Variants in DPP6 observed in about 807,000 individuals in gnomAD.
The protein encoded by DPP6 is A-type potassium channel modulatory protein DPP6.
DPP6 carries 69 observed loss-of-function variants against 122.6 expected under a neutral mutation model. That is an observed-to-expected ratio of 0.56 (90% CI 0.46 to 0.69). The LOEUF (loss-of-function observed/expected upper bound fraction) is 0.69, where lower values mean the gene tolerates loss of function less well. Ranked by LOEUF, DPP6 falls within the 30% of genes least tolerant of loss-of-function variation. The probability of loss-of-function intolerance (pLI) is 0.00; values close to 1 mark genes in which losing one functional copy is unlikely to be tolerated. For synonymous variants in DPP6, 418 were observed against 433.1 expected (o/e 0.97, Z 0.43); for missense variants, 928 against 1,116.9 (o/e 0.83, Z 2.41).
At chr7:154,013,736 T>C (rs536473692) in intron 1 of DPP6, among the ~76,000 whole-genome samples, 1 of 152,268 alleles carries the variant, frequency 6.6e-6, no homozygotes, top group East Asian at 1.9e-4. Context: ...GCTTCCTGTC[T>C]TGATTGGCAT....
intron 17 of DPP6, among the ~76,000 whole-genome samples, chr7:154,862,317 A>G (rs1417261440): frequency 1.3e-5 from 2 of 152,256 alleles, no homozygotes; most frequent in Admixed American, 6.5e-5. Context: ...GCAGGCTCCT[A>G]TGGATGCAGA....
At chr7:154,252,242 A>T (rs879601827) in intron 1 of DPP6, among the ~76,000 whole-genome samples, 4 of 129,768 alleles carry the variant, frequency 3.1e-5, no homozygotes, top group Admixed American at 2.2e-4. Context: ...GTGTGCGCGC[A>T]TGCGCACGGT....
At chr7:154,847,236 C>G (rs1285749279) in intron 16 of DPP6, among the ~76,000 whole-genome samples, 1 of 152,184 alleles carries the variant, frequency 6.6e-6, no homozygotes, top group African/African-American at 2.4e-5. Flanking sequence ...GACTAGATGT[C>G]AAGACCGTAC....
intron 1 of DPP6, among the ~76,000 whole-genome samples, chr7:153,962,641 C>G (rs1231198081): frequency 6.6e-6 from 1 of 152,182 alleles, no homozygotes; most frequent in African/African-American, 2.4e-5. Flanking sequence ...ACCCGATGCT[C>G]AGGAAGTAAA....
the DPP6 span, among the ~76,000 whole-genome samples, chr7:153,833,138 A>G: frequency 9.2e-5 from 14 of 152,186 alleles, no homozygotes; most frequent in African/African-American, 2.7e-4. Flanking sequence ...GAAAATGTTG[A>G]TTGAATGACT....
chr7:154,094,720 G>C (rs1243572555), intron 1 of DPP6: 7 of 152,140 alleles, frequency 4.6e-5, no homozygotes, highest in Non-Finnish European at 8.8e-5. Flanking sequence ...GACGTGCACG[G>C]CAGATGCACG....
At chr7:154,688,051 A>G (rs1839726208) in intron 7 of DPP6, among the ~76,000 whole-genome samples, 1 of 152,332 alleles carries the variant, frequency 6.6e-6, no homozygotes, top group South Asian at 2.1e-4. Flanking sequence ...ACAACACCAC[A>G]CGTTCTTACT....
At chr7:154,507,561 A>C (rs769417285) in intron 3 of DPP6, among the ~76,000 whole-genome samples, 2 of 152,208 alleles carry the variant, frequency 1.3e-5, no homozygotes, top group Non-Finnish European at 2.9e-5. Context: ...ATCAGATGTT[A>C]AAGGAATGCA....
At position 154,692,085 on chromosome 7, in the gene DPP6, T is replaced by A. The variant is rs78401787; in HGVS notation, c.762+22644T>A. Among the ~76,000 whole-genome samples the A allele has an allele frequency of 1.4e-3, 213 of 152,322 alleles. 1 individual carries two copies. Among genetic ancestry groups the A allele is most frequent in the African/African-American group, 4.9e-3 (202 of 41,580 alleles). On this transcript the variant is annotated intron_variant, in intron 7 of 25. Coordinates refer to ENST00000377770, the MANE Select transcript of DPP6 (RefSeq NM_130797.4). Reference sequence around the variant, plus strand: ...GACCTCCCAGGGATGCTGTGAAGGTTAAAGGCAATAACTTATAGGCAGCAT... The same window carrying A: ...GACCTCCCAGGGATGCTGTGAAGGTAAAAGGCAATAACTTATAGGCAGCAT...
At chr7:154,441,229 A>G (rs931366592) in intron 1 of DPP6, among the ~76,000 whole-genome samples, 1 of 152,214 alleles carries the variant, frequency 6.6e-6, no homozygotes, top group Non-Finnish European at 1.5e-5. Context: ...TTGGAGGATC[A>G]CAAGTGGAAT....
At chr7:154,607,434 G>T (rs1833625596) in intron 5 of DPP6, among the ~76,000 whole-genome samples, 1 of 114,932 alleles carries the variant, frequency 8.7e-6, no homozygotes, top group African/African-American at 2.8e-5. Flanking sequence ...GGCGGCGGGC[G>T]CCTGTAGTCG....
chr7:154,167,964 G>C (rs1585536657), intron 1 of DPP6, among the ~76,000 whole-genome samples: 1 of 152,144 alleles, frequency 6.6e-6, no homozygotes, highest in South Asian at 2.1e-4. Context: ...CTTTACTCCT[G>C]ATGCTGCTTT....
At position 154,369,089 on chromosome 7, in the gene DPP6, T is replaced by C. The variant is rs1465586202; in HGVS notation, c.244-77125T>C. 4.6e-5 allele frequency among the ~76,000 whole-genome samples: 7 copies of C among 152,178 alleles called. 1 individual carries two copies. Among genetic ancestry groups the C allele is most frequent in the African/African-American group, 1.7e-4 (7 of 41,442 alleles). On this transcript the variant is annotated intron_variant, in intron 1 of 25. Coordinates refer to ENST00000377770, the MANE Select transcript of DPP6 (RefSeq NM_130797.4). Reference sequence around the variant, plus strand: ...TCATGATGGGTGTTTCTTTTGTTTGTTCATTCGTTCGTTCGTTTGTTTTTG... The same window carrying C: ...TCATGATGGGTGTTTCTTTTGTTTGCTCATTCGTTCGTTCGTTTGTTTTTG...
chr7:153,896,917 C>T (rs2128996470), intron 1 of DPP6, among the ~76,000 whole-genome samples: 1 of 152,274 alleles, frequency 6.6e-6, no homozygotes, highest in South Asian at 2.1e-4. Context: ...CAGACCAAAT[C>T]ATATCTTGAG....
chr7:154,059,076 T>TC (rs1801268459), intron 1 of DPP6: 1 of 141,922 alleles, frequency 7.0e-6, no homozygotes, highest in African/African-American at 2.8e-5. Flanking sequence ...CAGTCCCTCT[T>TC]CCCCCTCTGG....
At chr7:154,525,916 C>G (rs1563804362) in intron 3 of DPP6, among the ~76,000 whole-genome samples, 1 of 152,082 alleles carries the variant, frequency 6.6e-6, no homozygotes, top group Non-Finnish European at 1.5e-5. Flanking sequence ...GTAGTATTTC[C>G]TTGATATGCT....
At chr7:154,264,707 G>A (rs1035886065) in intron 1 of DPP6, among the ~76,000 whole-genome samples, 11 of 151,686 alleles carry the variant, frequency 7.3e-5, no homozygotes, top group Non-Finnish European at 2.9e-5. Context: ...GGTGATAATG[G>A]TGATGATAAT....
intron 8 of DPP6, among the ~76,000 whole-genome samples, chr7:154,731,079 G>A (rs1842316345): frequency 6.6e-6 from 1 of 152,330 alleles, no homozygotes; most frequent in East Asian, 1.9e-4. Context: ...TGGGAGCACA[G>A]GAGCCCTGAG....
intron 19 of DPP6, among the ~76,000 whole-genome samples, chr7:154,874,682 C>T (rs2316534): frequency 0.1 from 15,239 of 152,254 alleles, 1,767 homozygotes; most frequent in African/African-American, 0.26. Flanking sequence ...GGGAGAGTGC[C>T]CGTGGTCGAA....
Sources: allele counts gnomAD v4.1 joint callset (sites outside exome capture counted in the v4.1 genomes callset), GRCh38; gene constraint gnomAD v4.1.1; transcripts MANE v1.5; gene names NCBI Gene and HGNC (gene_info 2026-07-23, HGNC 2026-07-21).